SULF1: variants seen among roughly 807,000 people sequenced by gnomAD.
The protein encoded by SULF1 is sulfatase 1.
A neutral mutation model predicts 110.5 loss-of-function variants in SULF1; 46 were observed. The observed-to-expected ratio is 0.42, with a 90% confidence interval of 0.33 to 0.53. SULF1 has a LOEUF of 0.53. Ranked by LOEUF, SULF1 falls within the 20% of genes least tolerant of loss-of-function variation. SULF1 has a pLI of 0.12. For synonymous variants in SULF1, 371 were observed against 387.1 expected, an observed-to-expected ratio of 0.96 and a Z score of 0.49; for missense variants, 941 against 1,094.2, an observed-to-expected ratio of 0.86 and a Z score of 1.98.
At chr8:69,657,627 C>T (rs555681439) in intron 22 of SULF1, among the ~76,000 whole-genome samples, 7 of 152,194 alleles carry the variant, frequency 4.6e-5, no homozygotes, top group Non-Finnish European at 1.0e-4. Context: ...TTTATCTACA[C>T]GTGATCTGAA....
intron 3 of SULF1, among the ~76,000 whole-genome samples, chr8:69,518,565 A>G (rs754012507): frequency 1.1e-4 from 16 of 152,198 alleles, no homozygotes; most frequent in Non-Finnish European, 1.8e-4. Context: ...TAGTTGGGCC[A>G]GACCTTTTAA....
Position 69,659,126 on chromosome 8 carries a change from T to G in SULF1, c.*591T>G, listed in dbSNP as rs773376768. The G allele has an allele frequency of 3.1e-5, 14 of 456,724 alleles. No homozygotes were observed. The highest frequency in any genetic ancestry group is 1.7e-4 in the South Asian group (11 of 64,548). The allele number at this position is 456,724 out of a possible 1,614,324, so 28.3% of individuals were successfully genotyped here. On this transcript the variant is annotated 3_prime_UTR_variant, in exon 23 of 23. Coordinates refer to ENST00000402687, the MANE Select transcript of SULF1 (RefSeq NM_001128205.2). ...CAGTATGGTGGTCCTGGAAAGGACA[T>G]TTTTGAAGATCAACTATATCTTCCT...
chr8:69,507,899 C>T (rs1023557307), intron 3 of SULF1, among the ~76,000 whole-genome samples: 1 of 152,094 alleles, frequency 6.6e-6, no homozygotes, highest in African/African-American at 2.4e-5. Flanking sequence ...AACCTTGTGT[C>T]ATAATCTGGC....
At chr8:69,470,379 G>T (rs1899276) in intron 1 of SULF1, among the ~76,000 whole-genome samples, 74,724 of 151,408 alleles carry the variant, frequency 0.49, 20,183 homozygotes, top group African/African-American at 0.72. Context: ...GATATCTTAT[G>T]GAAAAAAATT....
chr8:69,474,014 A>AACAC (rs1809200066), intron 1 of SULF1, among the ~76,000 whole-genome samples: 1 of 152,212 alleles, frequency 6.6e-6, no homozygotes, highest in Non-Finnish European at 1.5e-5. Flanking sequence ...CTCAAAGATT[A>AACAC]TTCAGTCTAA....
Position 69,564,160 on chromosome 8 carries a change from A to C in SULF1, c.172+13A>C. On this transcript the variant is annotated intron_variant, in intron 5 of 22. Transcript: ENST00000402687. ...GATGTGGAGCTGGGTGAGACACTGG[A>C]CTCTTCACTTGTTAGTCTCTTTTGT... is the stretch of plus-strand genomic sequence containing the variant. 6.2e-7 allele frequency: 1 copy of C among 1,613,442 alleles called. No homozygotes were observed. Among genetic ancestry groups the C allele is most frequent in the Non-Finnish European group, 8.5e-7 (1 of 1,179,592 alleles).
At chr8:69,484,275 C>T (rs926882029) in intron 1 of SULF1, among the ~76,000 whole-genome samples, 29 of 151,890 alleles carry the variant, frequency 1.9e-4, no homozygotes, top group African/African-American at 6.5e-4. Flanking sequence ...AAAAATAGAC[C>T]CTCCTTCTTA....
At chr8:69,589,968 A>T (rs1290186957) in intron 8 of SULF1, among the ~76,000 whole-genome samples, 2 of 152,188 alleles carry the variant, frequency 1.3e-5, no homozygotes, top group Non-Finnish European at 2.9e-5. Context: ...GGAACAGAAA[A>T]TTGGTATCTG....
intron 1 of SULF1, among the ~76,000 whole-genome samples, chr8:69,484,841 T>C (rs1809635736): frequency 1.3e-5 from 2 of 151,556 alleles, no homozygotes; most frequent in Non-Finnish European, 2.9e-5. Flanking sequence ...TTCTTCTTCT[T>C]CTTCTTCTTC....
intron 3 of SULF1, among the ~76,000 whole-genome samples, chr8:69,509,613 G>T (rs973204409): frequency 6.6e-6 from 1 of 152,098 alleles, no homozygotes; most frequent in Non-Finnish European, 1.5e-5. Context: ...GGCTCCTGTT[G>T]GGCACTAAAG....
chr8:69,530,124 A>G (rs13279636), intron 3 of SULF1, among the ~76,000 whole-genome samples: 27,361 of 152,164 alleles, frequency 0.18, 2,568 homozygotes, highest in South Asian at 0.28. Context: ...CTGCCCTTGC[A>G]TCTTCCCAGG....
chr8:69,586,966 T>C (rs1806510714), intron 7 of SULF1, among the ~76,000 whole-genome samples: 1 of 152,164 alleles, frequency 6.6e-6, no homozygotes, highest in South Asian at 2.1e-4. Context: ...ATTCCTTGCT[T>C]TTACTCCTGT....
At chr8:69,538,268 C>T (rs1486447304) in intron 3 of SULF1, among the ~76,000 whole-genome samples, 2 of 95,818 alleles carry the variant, frequency 2.1e-5, no homozygotes, top group East Asian at 4.3e-4. Flanking sequence ...TTTTACATTT[C>T]TGTTGCCTTT....
At position 69,624,089 on chromosome 8, in the gene SULF1, A is replaced by G. The variant is rs1809815243; in HGVS notation, c.1742A>G (p.His581Arg). Residue 581 changes from histidine to arginine, a missense_variant, in exon 15 of 23, where the codon CAC (histidine) becomes CGC (arginine). By Grantham distance (29) the His-to-Arg change is conservative (BLOSUM62 0). Transcript: ENST00000402687. ...RNIAKRHDEG[H>R]KGPRDLQASS... Reference sequence around the variant, plus strand: ...ATTGCTAAGCGTCATGATGAAGGCCACAAGGGGCCAAGAGATCTCCAGGCT... The same window carrying G: ...ATTGCTAAGCGTCATGATGAAGGCCGCAAGGGGCCAAGAGATCTCCAGGCT... 1 of 1,614,068 alleles carries G rather than the reference A, an allele frequency of 6.2e-7. No homozygotes were observed. The highest frequency in any genetic ancestry group is 8.5e-7 in the Non-Finnish European group (1 of 1,180,048).
intron 5 of SULF1, among the ~76,000 whole-genome samples, chr8:69,569,162 A>G (rs563518586): frequency 9.2e-5 from 14 of 152,272 alleles, no homozygotes; most frequent in African/African-American, 3.1e-4. Flanking sequence ...CCTGACAGGA[A>G]CATCTCAGTA....
intron 6 of SULF1, among the ~76,000 whole-genome samples, chr8:69,581,251 C>T (rs919539700): frequency 6.6e-6 from 1 of 152,106 alleles, no homozygotes; most frequent in African/African-American, 2.4e-5. Context: ...CTATCAATTA[C>T]GTGGATTAAA....
At chr8:69,508,015 GC>G (rs1811309889) in intron 3 of SULF1, among the ~76,000 whole-genome samples, 1 of 152,140 alleles carries the variant, frequency 6.6e-6, no homozygotes, top group Admixed American at 6.5e-5. Context: ...TCCTTTTTTG[GC>G]AGACACTAAA....
intron 3 of SULF1, among the ~76,000 whole-genome samples, chr8:69,515,341 A>G (rs1159456877): frequency 1.3e-5 from 2 of 152,306 alleles, no homozygotes; most frequent in South Asian, 2.1e-4. Flanking sequence ...CTCTGAAGCA[A>G]TGGTCCAAGC....
intron 3 of SULF1, among the ~76,000 whole-genome samples, chr8:69,504,089 C>T (rs898978320): frequency 5.9e-5 from 9 of 152,082 alleles, no homozygotes; most frequent in East Asian, 1.9e-4. Context: ...TGAGCCACTG[C>T]GCCCATGAAA....
Sources: gnomAD v4.1 joint callset for allele counts (sites outside exome capture counted in the v4.1 genomes callset) on GRCh38, gnomAD v4.1.1 for gene constraint, MANE v1.5 for transcripts, NCBI Gene and HGNC (gene_info 2026-07-23, HGNC 2026-07-21) for gene names.